MRTFA: variants seen among roughly 807,000 people sequenced by gnomAD.
MRTFA encodes the protein myocardin related transcription factor A.
Under a neutral mutation model 83.5 loss-of-function variants are expected in MRTFA, and 20 were observed. That is an observed-to-expected ratio of 0.24 (90% CI 0.17 to 0.35). The LOEUF is 0.35. MRTFA is among the 10% of genes least tolerant of loss of function. The pLI is 1.00. For missense variants in MRTFA, 1,200 were observed against 1,224.7 expected (o/e 0.98, Z 0.30); for synonymous variants, 659 against 541.2 (o/e 1.22, Z -3.02).
intron 3 of MRTFA, among the ~76,000 whole-genome samples, chr22:40,541,461 G>A (rs929703889): frequency 1.2e-4 from 18 of 152,090 alleles, no homozygotes; most frequent in East Asian, 3.8e-4. Context: ...TAGACACCTC[G>A]TATTGGGCAC....
intron 3 of MRTFA, among the ~76,000 whole-genome samples, chr22:40,484,410 G>T (rs1266032771): frequency 6.6e-6 from 1 of 152,106 alleles, no homozygotes; most frequent in Non-Finnish European, 1.5e-5. Context: ...TAAAGGAGAA[G>T]CCAGATCATT....
At chr22:40,554,739 G>C (rs940229994) in intron 2 of MRTFA, among the ~76,000 whole-genome samples, 1 of 152,136 alleles carries the variant, frequency 6.6e-6, no homozygotes, top group Non-Finnish European at 1.5e-5. Flanking sequence ...TACATCACTG[G>C]CAAACTACCA....
chr22:40,546,039 CTA>C (rs1184717179), intron 3 of MRTFA, among the ~76,000 whole-genome samples: 1 of 152,226 alleles, frequency 6.6e-6, no homozygotes, highest in East Asian at 1.9e-4. Flanking sequence ...CACTGAATTT[CTA>C]TATGATACAT....
intron 3 of MRTFA, among the ~76,000 whole-genome samples, chr22:40,544,987 A>C (rs1388255409): frequency 6.6e-6 from 1 of 150,736 alleles, no homozygotes; most frequent in Non-Finnish European, 1.5e-5. Flanking sequence ...AAAATAACGG[A>C]AAGTGATTTC....
Position 40,447,364 on chromosome 22 carries a change from A to G in MRTFA, c.308-11810T>C, listed in dbSNP as rs546225973. ...TCTTTGTTTCAAAAAAAAAAAAGAA[A>G]AAAGAAAAAAAAAGTGACATTGGAG... is the stretch of plus-strand genomic sequence containing the variant. On this transcript the variant is annotated intron_variant, in intron 4 of 14. Transcript: ENST00000355630. 7.9e-5 allele frequency among the ~76,000 whole-genome samples: 12 copies of G among 152,058 alleles called. No individual in the cohort carries two copies. In the South Asian group the frequency reaches 2.5e-3, roughly 32 times the overall value.
intron 4 of MRTFA, among the ~76,000 whole-genome samples, chr22:40,444,716 G>C (rs2053343533): frequency 6.6e-6 from 1 of 152,020 alleles, no homozygotes; most frequent in African/African-American, 2.4e-5. Flanking sequence ...GATATAATCA[G>C]AACTGCATGG....
chr22:40,519,690 CA>C, intron 3 of MRTFA: 2 of 1,056,638 alleles, frequency 1.9e-6, no homozygotes, highest in Non-Finnish European at 1.2e-6. Context: ...ATAACAATCA[CA>C]CCCACTCATG....
At chr22:40,502,939 T>C (rs985296445) in intron 3 of MRTFA, among the ~76,000 whole-genome samples, 5 of 152,182 alleles carry the variant, frequency 3.3e-5, no homozygotes, top group Admixed American at 1.3e-4. Context: ...TCCTTCCTAG[T>C]GTCACAGAGG....
chr22:40,540,366 C>T (rs893585902), intron 3 of MRTFA, among the ~76,000 whole-genome samples: 15 of 152,144 alleles, frequency 9.9e-5, no homozygotes, highest in Non-Finnish European at 8.8e-5. Context: ...GCTGCCTTCT[C>T]CATAAAGCCT....
At chr22:40,544,010 A>G (rs2055327961) in intron 3 of MRTFA, among the ~76,000 whole-genome samples, 1 of 152,218 alleles carries the variant, frequency 6.6e-6, no homozygotes, top group Non-Finnish European at 1.5e-5. Context: ...TAGCAAGCTC[A>G]GAAACATACC....
intron 2 of MRTFA, chr22:40,586,886 TGCTGCTGG>T: frequency 4.9e-6 from 1 of 204,220 alleles, no homozygotes. Flanking sequence ...TGGCCTCTAG[TGCTGCTGG>T]TGCTGCTGGT....
chr22:40,495,941 C>T (rs1451417182), intron 3 of MRTFA, among the ~76,000 whole-genome samples: 2 of 151,692 alleles, frequency 1.3e-5, no homozygotes, highest in East Asian at 3.9e-4. Flanking sequence ...TGGCACACGC[C>T]TGTAATCCCA....
At chr22:40,479,444 C>CCCTCTTTCT (rs2054052605) in intron 3 of MRTFA, among the ~76,000 whole-genome samples, 1 of 152,076 alleles carries the variant, frequency 6.6e-6, no homozygotes, top group Non-Finnish European at 1.5e-5. Flanking sequence ...CTCGCAAGTC[C>CCCTCTTTCT]CCTCTTTCTC....
At chr22:40,430,120 T>A (rs1308551887) in intron 6 of MRTFA, among the ~76,000 whole-genome samples, 1 of 152,076 alleles carries the variant, frequency 6.6e-6, no homozygotes, top group East Asian at 1.9e-4. Context: ...TCTGCTCTGG[T>A]TTTTAGTGCC....
chr22:40,575,302 A>G lies in MRTFA; in HGVS notation c.-22+19372T>C, dbSNP rs567371170. Reference sequence around the variant, plus strand: ...GAAGATACTCAAACGCTCAGTAAATATTTGTAGAATTTAATTAGTACCTCA... The same window carrying G: ...GAAGATACTCAAACGCTCAGTAAATGTTTGTAGAATTTAATTAGTACCTCA... On this transcript the variant is annotated intron_variant, in intron 2 of 14. Transcript: ENST00000355630. 7.2e-5 allele frequency among the ~76,000 whole-genome samples: 11 copies of G among 152,326 alleles called. No homozygotes were observed. The East Asian group carries it at 1.5e-3, about 21-fold the overall frequency.
At chr22:40,539,642 A>G (rs1230800432) in intron 3 of MRTFA, among the ~76,000 whole-genome samples, 6 of 151,662 alleles carry the variant, frequency 4.0e-5, no homozygotes, top group Admixed American at 2.0e-4. Context: ...AGCTGGGATT[A>G]CAGGCACACA....
chr22:40,476,684 C>T (rs1215485054), intron 3 of MRTFA, among the ~76,000 whole-genome samples: 4 of 152,178 alleles, frequency 2.6e-5, no homozygotes, highest in Non-Finnish European at 4.4e-5. Context: ...AACTCCTGGG[C>T]TCAAATGATC....
intron 3 of MRTFA, among the ~76,000 whole-genome samples, chr22:40,465,365 G>A (rs1190981556): frequency 1.3e-5 from 2 of 152,158 alleles, no homozygotes; most frequent in Non-Finnish European, 2.9e-5. Flanking sequence ...AACAGTCTGA[G>A]AAACTGAACC....
At chr22:40,505,287 CTA>C (rs1250182945) in intron 3 of MRTFA, among the ~76,000 whole-genome samples, 1 of 152,190 alleles carries the variant, frequency 6.6e-6, no homozygotes, top group Non-Finnish European at 1.5e-5. Context: ...AAAAAATTAT[CTA>C]TGAGTCTTAT....
Sources: gnomAD v4.1 joint callset for allele counts (sites outside exome capture counted in the v4.1 genomes callset) on GRCh38, gnomAD v4.1.1 for gene constraint, MANE v1.5 for transcripts, NCBI Gene and HGNC (gene_info 2026-07-23, HGNC 2026-07-21) for gene names.